GFRA2: variants seen among roughly 807,000 people sequenced by gnomAD.
The protein encoded by GFRA2 is GDNF family receptor alpha 2.
Under a neutral mutation model 48.3 loss-of-function variants are expected in GFRA2, and 17 were observed. That is an observed-to-expected ratio of 0.35 (90% CI 0.24 to 0.53). The LOEUF (loss-of-function observed/expected upper bound fraction) is 0.53, where lower values mean the gene tolerates loss of function less well. Ranked by LOEUF, GFRA2 falls within the 20% of genes least tolerant of loss-of-function variation. The pLI, the probability that GFRA2 is intolerant of heterozygous loss-of-function variation, is 0.93. For missense variants in GFRA2, 660 were observed against 637.3 expected, an observed-to-expected ratio of 1.04 and a Z score of -0.38; for synonymous variants, 305 against 257.2, an observed-to-expected ratio of 1.19 and a Z score of -1.78.
chr8:21,702,063 T>A (rs1802508736), intron 7 of GFRA2, among the ~76,000 whole-genome samples: 1 of 152,196 alleles, frequency 6.6e-6, no homozygotes, highest in South Asian at 2.1e-4. Flanking sequence ...CCCGACTGGC[T>A]GAGCTGCCCG....
intron 3 of GFRA2, among the ~76,000 whole-genome samples, chr8:21,754,752 G>T (rs1449988788): frequency 6.6e-6 from 1 of 151,922 alleles, no homozygotes; most frequent in Non-Finnish European, 1.5e-5. Flanking sequence ...CAGGTGATCC[G>T]CCCGCCTCGG....
At chr8:21,781,658 T>A (rs6999052) in intron 2 of GFRA2, among the ~76,000 whole-genome samples, 4 of 151,816 alleles carry the variant, frequency 2.6e-5, no homozygotes, top group Admixed American at 1.3e-4. Context: ...TATCCGCACC[T>A]CCCCAGACTC....
chr8:21,797,287 C>CTTTTTTTTTTTTTTTT (rs1159867192), intron 2 of GFRA2, among the ~76,000 whole-genome samples: 22 of 85,636 alleles, frequency 2.6e-4, no homozygotes, highest in East Asian at 8.2e-4. Context: ...CCTTTCTTTG[C>CTTTTTTTTTTTTTTTT]TTTTTTTTTT....
At chr8:21,731,256 T>C (rs2117498394) in intron 4 of GFRA2, among the ~76,000 whole-genome samples, 1 of 152,092 alleles carries the variant, frequency 6.6e-6, no homozygotes, top group South Asian at 2.1e-4. Context: ...GACCAAATCA[T>C]CCTCATCAAA....
At chr8:21,697,055 A>AG (rs1473079018) in intron 7 of GFRA2, among the ~76,000 whole-genome samples, 1 of 117,332 alleles carries the variant, frequency 8.5e-6, no homozygotes, top group African/African-American at 3.3e-5. Context: ...GACAGAGGAG[A>AG]GGGAAGGGGA....
chr8:21,802,137 G>A (rs1807783322), intron 2 of GFRA2, among the ~76,000 whole-genome samples: 1 of 152,218 alleles, frequency 6.6e-6, no homozygotes, highest in Admixed American at 6.5e-5. Context: ...TGTACAAAGT[G>A]CCCTCGCACA....
chr8:21,696,522 G>C (rs1170912996), intron 7 of GFRA2, among the ~76,000 whole-genome samples: 1 of 152,156 alleles, frequency 6.6e-6, no homozygotes, highest in Non-Finnish European at 1.5e-5. Context: ...GCCACTCTCA[G>C]GGGAGCCCCG....
intron 2 of GFRA2, among the ~76,000 whole-genome samples, chr8:21,802,715 C>T (rs962108073): frequency 2.6e-5 from 4 of 151,846 alleles, no homozygotes; most frequent in Non-Finnish European, 4.4e-5. Context: ...GGCAGATGTA[C>T]AAATGAAAAA....
intron 2 of GFRA2, among the ~76,000 whole-genome samples, chr8:21,795,848 C>A (rs1481726733): frequency 6.6e-6 from 1 of 152,194 alleles, no homozygotes; most frequent in Non-Finnish European, 1.5e-5. Flanking sequence ...CTACTACAGG[C>A]CTGGGCTTCT....
At chr8:21,727,664 C>A in intron 4 of GFRA2, among the ~76,000 whole-genome samples, 1 of 152,232 alleles carries the variant, frequency 6.6e-6, no homozygotes, top group African/African-American at 2.4e-5. Context: ...GCCAAAACAG[C>A]GGGTTGGACG....
chr8:21,736,603 C>T (rs943060859), intron 4 of GFRA2, among the ~76,000 whole-genome samples: 1 of 152,060 alleles, frequency 6.6e-6, no homozygotes, highest in Non-Finnish European at 1.5e-5. Flanking sequence ...CCAAGCGATC[C>T]TTCCATCTCA....
At chr8:21,697,128 G>GGGGAA (rs1802238902) in intron 7 of GFRA2, among the ~76,000 whole-genome samples, 3 of 122,902 alleles carry the variant, frequency 2.4e-5, no homozygotes, top group Non-Finnish European at 3.6e-5. Context: ...GGGGAGAGAA[G>GGGGAA]GGGGAGGGGA....
chr8:21,756,706 C>T lies in GFRA2; in HGVS notation c.440-5764G>A, dbSNP rs558245704. Among the ~76,000 whole-genome samples, 6 of 152,344 alleles carry T rather than the reference C, an allele frequency of 3.9e-5. No individual in the cohort carries two copies. The South Asian group carries it at 1.2e-3, about 32-fold the overall frequency. On this transcript the variant is annotated intron_variant, in intron 3 of 8. Transcript: ENST00000524240. ...GACCCCTCACAGTCCTTGCCTGGCA[C>T]TGGGGCTACAGCCCCTGAGCTAAAA...
Position 21,702,951 on chromosome 8 carries a change from C to A in GFRA2, c.1072G>T (p.Gly358Cys). 6.5e-7 allele frequency: 1 copy of A among 1,544,978 alleles called. No individual in the cohort carries two copies. Among genetic ancestry groups the A allele is most frequent in the East Asian group, 2.3e-5 (1 of 42,888 alleles). Reference sequence around the variant, plus strand: ...TTTGGGGACACGTTCACGTCCGTGCCGTTGCCAAAGGCCTGGATGGCGTTC... The same window carrying A: ...TTTGGGGACACGTTCACGTCCGTGCAGTTGCCAAAGGCCTGGATGGCGTTC... ...LRNAIQAFGN[G>C]TDVNVSPKGP... Residue 358 changes from glycine to cysteine, a missense_variant, in exon 7 of 9, where the codon GGC becomes TGC. Physicochemically the swap from Gly to Cys is radical, Grantham distance 159. Coordinates refer to ENST00000524240, the MANE Select transcript of GFRA2 (RefSeq NM_001495.5).
intron 1 of GFRA2, chr8:21,783,185 GA>G (rs1807099766): frequency 3.4e-6 from 2 of 594,802 alleles, no homozygotes; most frequent in Non-Finnish European, 3.2e-6. Context: ...CCCGGCTCAA[GA>G]CCTCAGTCTA....
intron 4 of GFRA2, among the ~76,000 whole-genome samples, chr8:21,732,035 T>G (rs146733410): frequency 6.6e-6 from 1 of 152,230 alleles, no homozygotes; most frequent in Non-Finnish European, 1.5e-5. Context: ...CAAGTATTTA[T>G]GGGCCCTGAG....
chr8:21,714,053 C>T (rs1803205169), intron 4 of GFRA2, among the ~76,000 whole-genome samples: 1 of 152,120 alleles, frequency 6.6e-6, no homozygotes, highest in Admixed American at 6.5e-5. Context: ...CACTTGGATA[C>T]ATACTTCCCA....
chr8:21,706,594 C>T (rs1802760675), intron 4 of GFRA2, among the ~76,000 whole-genome samples: 1 of 152,154 alleles, frequency 6.6e-6, no homozygotes, highest in African/African-American at 2.4e-5. Flanking sequence ...GGGCATCCTC[C>T]CCTGGTCTCT....
intron 4 of GFRA2, among the ~76,000 whole-genome samples, chr8:21,730,834 A>G (rs578210685): frequency 2.6e-5 from 4 of 152,086 alleles, no homozygotes; most frequent in African/African-American, 9.6e-5. Context: ...TCCTTTCCCC[A>G]CATTTCAGAA....
Sources: allele counts gnomAD v4.1 joint callset (sites outside exome capture counted in the v4.1 genomes callset), GRCh38; gene constraint gnomAD v4.1.1; transcripts MANE v1.5; gene names NCBI Gene and HGNC (gene_info 2026-07-23, HGNC 2026-07-21).